Variants in UGT1A5 observed in about 807,000 individuals in gnomAD.
UGT1A5 encodes the protein UDP glucuronosyltransferase family 1 member A5.
UGT1A5 carries 29 observed loss-of-function variants against 40.3 expected under a neutral mutation model. The ratio of observed to expected loss-of-function variants is 0.72; its 90% CI spans 0.54 to 0.98. The LOEUF is 0.98. Ranked by LOEUF, UGT1A5 falls within the 50% of genes least tolerant of loss-of-function variation. The pLI, the probability that UGT1A5 is intolerant of heterozygous loss-of-function variation, is 0.00. For synonymous variants in UGT1A5, 257 were observed against 262.5 expected (o/e 0.98, Z 0.20); for missense variants, 678 against 677.9 (o/e 1.00, Z 0.00).
At chr2:233,734,025 G>A (rs2078469594) in intron 1 of UGT1A5, among the ~76,000 whole-genome samples, 1 of 152,102 alleles carries the variant, frequency 6.6e-6, no homozygotes, top group East Asian at 1.9e-4. Context: ...GTTAATGGGT[G>A]CAGCACACCA....
intron 1 of UGT1A5, among the ~76,000 whole-genome samples, chr2:233,735,108 G>A (rs1171222877): frequency 3.9e-5 from 6 of 152,182 alleles, no homozygotes; most frequent in Non-Finnish European, 8.8e-5. Context: ...AATATCGACA[G>A]TGGGATGTTA....
Position 233,713,171 on chromosome 2 carries a change from C to G in UGT1A5, c.180C>G (p.Val60=), listed in dbSNP as rs1260839534. 1.2e-6 allele frequency: 2 copies of G among 1,614,088 alleles called. No homozygotes were observed. Among genetic ancestry groups the G allele is most frequent in the Non-Finnish European group, 8.5e-7 (1 of 1,180,044 alleles). Residue 60 remains valine, a synonymous_variant, in exon 1 of 5, where the codon GTC becomes GTG. Transcript: ENST00000373414. ...ATGCGAGAGGCCACCAGGTGGTGGT[C>G]CTCACCCTGGAGGTGAATATGTACA... ...DLHARGHQVV[V]LTLEVNMYIK...
At chr2:233,742,757 A>G (rs968540830) in intron 1 of UGT1A5, 1 of 153,060 alleles carries the variant, frequency 6.5e-6, no homozygotes, top group African/African-American at 2.4e-5. Flanking sequence ...AAATATTAAG[A>G]TAATAAATGC....
chr2:233,748,947 C>T (rs900612588), intron 1 of UGT1A5, among the ~76,000 whole-genome samples: 1 of 151,662 alleles, frequency 6.6e-6, no homozygotes. Context: ...CCCACCCTAT[C>T]CCACTCCAAG....
chr2:233,718,890 C>A (rs6755571), intron 1 of UGT1A5: 85,148 of 1,613,968 alleles, frequency 0.053, 2,693 homozygotes, highest in Non-Finnish European at 0.063. Flanking sequence ...CAGTGTCCAG[C>A]CCTGGGCTGA....
At chr2:233,761,231 T>A in intron 1 of UGT1A5, 1 of 1,613,202 alleles carries the variant, frequency 6.2e-7, no homozygotes. Flanking sequence ...GCCCCAGATA[T>A]ATGCTGAGCA....
At chr2:233,726,073 G>A (rs2077498872) in intron 1 of UGT1A5, among the ~76,000 whole-genome samples, 1 of 152,190 alleles carries the variant, frequency 6.6e-6, no homozygotes, top group Non-Finnish European at 1.5e-5. Context: ...GGCTGAGGCA[G>A]GAGGATTACT....
rs764918207 is a variant in UGT1A5 at position 233,760,359 on chromosome 2, G to A, written c.868-6675G>A. 62 of 1,614,004 alleles carry A rather than the reference G, an allele frequency of 3.8e-5. No homozygotes were observed. The South Asian group carries it at 4.0e-4, about 10-fold the overall frequency. ...TGCTGTGTGTGCTGGGCCCAGTGGTGTCCCATGCTGGGAAGATACTGTTGA... is the reference window on the plus strand; with the variant it reads ...TGCTGTGTGTGCTGGGCCCAGTGGTATCCCATGCTGGGAAGATACTGTTGA... On this transcript the variant is annotated intron_variant, in intron 1 of 4. Transcript: ENST00000373414.
chr2:233,769,456 T>C lies in UGT1A5; in HGVS notation c.1307+1017T>C, dbSNP rs1699869173. On this transcript the variant is annotated intron_variant, in intron 4 of 4. Coordinates refer to ENST00000373414, the MANE Select transcript of UGT1A5 (RefSeq NM_019078.2). This position sits in a 1 kb window ranked among gnomAD's most constrained non-coding sequence, Gnocchi z 4.4. ...TCATGTGTGGGTGCACACGTGTGCA[T>C]TCATATGCGTGTGTGTGTGTGTGCG... 2 of 1,598,818 alleles carry C rather than the reference T, an allele frequency of 1.3e-6. No homozygotes were observed. The highest frequency in any genetic ancestry group is 2.2e-5 in the East Asian group (1 of 44,796).
chr2:233,745,177 T>C (rs1693032562), intron 1 of UGT1A5, among the ~76,000 whole-genome samples: 1 of 151,880 alleles, frequency 6.6e-6, no homozygotes, highest in South Asian at 2.1e-4. Flanking sequence ...TTATTCACTT[T>C]TCTTGACTGC....
chr2:233,747,983 C>T (rs539831908), intron 1 of UGT1A5: 1 of 1,613,300 alleles, frequency 6.2e-7, no homozygotes, highest in Non-Finnish European at 8.5e-7. Flanking sequence ...TGTGGCTGTT[C>T]CGAGGGGACT....
intron 1 of UGT1A5, chr2:233,740,811 C>T (rs1350970609): frequency 1.3e-5 from 2 of 151,872 alleles, no homozygotes; most frequent in Admixed American, 1.3e-4. Flanking sequence ...TAGCACTGTT[C>T]TGTTTTTGAG....
intron 1 of UGT1A5, among the ~76,000 whole-genome samples, chr2:233,761,693 AG>A (rs1697839049): frequency 6.6e-6 from 1 of 152,260 alleles, no homozygotes; most frequent in African/African-American, 2.4e-5. Flanking sequence ...TGATACAGAA[AG>A]GTTGTAGGTT....
intron 1 of UGT1A5, among the ~76,000 whole-genome samples, chr2:233,742,519 G>A (rs1399638498): frequency 6.6e-6 from 1 of 151,888 alleles, no homozygotes; most frequent in Admixed American, 6.5e-5. Flanking sequence ...ACACGTCACA[G>A]TGCTGCAGAG....
rs567676971 is a variant in UGT1A5 at position 233,725,173 on chromosome 2, C to T, written c.867+11315C>T. 7.4e-5 allele frequency among the ~76,000 whole-genome samples: 7 copies of T among 94,254 alleles called. 2 individuals are homozygous for T. The highest frequency in any genetic ancestry group is 3.8e-4 in the African/African-American group (6 of 15,610). 61.8% of individuals were successfully genotyped at this position (94,254 alleles called of 152,430 possible). Reference sequence around the variant, plus strand: ...CTTCGGCTCTGCATGAGAGGGAGACCGTGGGGAGAGGCAGAGGCAGAGGCA... The same window carrying T: ...CTTCGGCTCTGCATGAGAGGGAGACTGTGGGGAGAGGCAGAGGCAGAGGCA... On this transcript the variant is annotated intron_variant, in intron 1 of 4. Transcript: ENST00000373414.
intron 2 of UGT1A5, 93 bp downstream of exon 2, chr2:233,767,258 C>T (rs1454742513): frequency 1.3e-6 from 2 of 1,592,782 alleles, no homozygotes; most frequent in African/African-American, 1.3e-5. Context: ...TTAATTGGAA[C>T]CTTAGATTTG....
intron 1 of UGT1A5, chr2:233,748,159 A>T: frequency 6.3e-7 from 1 of 1,599,046 alleles, no homozygotes; most frequent in Non-Finnish European, 8.5e-7. Flanking sequence ...AATTGCTTCC[A>T]TATCTACTTA....
chr2:233,758,550 C>T (rs537826054), intron 1 of UGT1A5, among the ~76,000 whole-genome samples: 173 of 152,196 alleles, frequency 1.1e-3, no homozygotes, highest in African/African-American at 3.9e-3. Flanking sequence ...TTCTGCTTGC[C>T]CAGAATCTTG....
chr2:233,735,768 A>T (rs1170033276), intron 1 of UGT1A5, among the ~76,000 whole-genome samples: 1 of 152,144 alleles, frequency 6.6e-6, no homozygotes, highest in Non-Finnish European at 1.5e-5. Flanking sequence ...TTCACTTATG[A>T]AGCTTACTTT....
Sources: gnomAD v4.1 joint callset for allele counts (sites outside exome capture counted in the v4.1 genomes callset) on GRCh38, gnomAD v4.1.1 for gene constraint, Gnocchi (gnomAD v3.1) non-coding constraint, MANE v1.5 for transcripts, NCBI Gene and HGNC (gene_info 2026-07-23, HGNC 2026-07-21) for gene names.